Variants in GALNTL6 observed in about 807,000 individuals in gnomAD.
GALNTL6 encodes the protein polypeptide N-acetylgalactosaminyltransferase like 6, also known as polypeptide N-acetylgalactosaminyltransferase-like 6.
Under a neutral mutation model 73.7 loss-of-function variants are expected in GALNTL6, and 46 were observed. The observed-to-expected ratio is 0.62, with a 90% CI of 0.49 to 0.80. GALNTL6 has a LOEUF of 0.80. Ranked by LOEUF, GALNTL6 falls within the 30% of genes least tolerant of loss-of-function variation. GALNTL6 has a pLI of 0.00. For missense variants in GALNTL6, 604 were observed against 755.0 expected, an observed-to-expected ratio of 0.80 and a Z score of 2.34; for synonymous variants, 259 against 263.7, an observed-to-expected ratio of 0.98 and a Z score of 0.17.
intron 5 of GALNTL6, among the ~76,000 whole-genome samples, chr4:172,515,553 G>A (rs1221149660): frequency 6.6e-6 from 1 of 152,232 alleles, no homozygotes; most frequent in Admixed American, 6.5e-5. Flanking sequence ...CAATTTAACA[G>A]GGAATGCCCT....
At chr4:172,433,530 G>A (rs1030749394) in intron 5 of GALNTL6, among the ~76,000 whole-genome samples, 1 of 152,036 alleles carries the variant, frequency 6.6e-6, no homozygotes, top group Non-Finnish European at 1.5e-5. Context: ...ATTCTTTGAA[G>A]AGCAGAAACA....
chr4:172,812,214 T>C (rs1392587634), intron 6 of GALNTL6, among the ~76,000 whole-genome samples: 1 of 152,218 alleles, frequency 6.6e-6, no homozygotes, highest in Non-Finnish European at 1.5e-5. Flanking sequence ...CTTATACTTT[T>C]TATCCCATGC....
At chr4:171,817,425 G>T (rs1373877553) in intron 2 of GALNTL6, among the ~76,000 whole-genome samples, 1 of 151,474 alleles carries the variant, frequency 6.6e-6, no homozygotes, top group Non-Finnish European at 1.5e-5. Context: ...TTTAGCAGAT[G>T]ATATCACTAA....
intron 8 of GALNTL6, among the ~76,000 whole-genome samples, chr4:172,894,669 T>C (rs1746224443): frequency 6.6e-6 from 1 of 152,198 alleles, no homozygotes; most frequent in African/African-American, 2.4e-5. Flanking sequence ...GGATGAAATG[T>C]TCTGTAAATG....
chr4:172,886,379 G>T (rs534015651), intron 8 of GALNTL6, among the ~76,000 whole-genome samples: 8 of 152,092 alleles, frequency 5.3e-5, no homozygotes, highest in African/African-American at 1.9e-4. Flanking sequence ...GGTCTCAGTT[G>T]TTGTGTCTCC....
At chr4:172,579,974 G>A (rs990739366) in intron 5 of GALNTL6, among the ~76,000 whole-genome samples, 2 of 151,990 alleles carry the variant, frequency 1.3e-5, no homozygotes, top group African/African-American at 2.4e-5. Context: ...ACTCAAATTC[G>A]TAGACATATA....
At chr4:172,095,388 A>C (rs1240609553) in intron 2 of GALNTL6, among the ~76,000 whole-genome samples, 1 of 152,158 alleles carries the variant, frequency 6.6e-6, no homozygotes, top group Non-Finnish European at 1.5e-5. Context: ...GAAGGGATGC[A>C]ATAGACTGGG....
intron 2 of GALNTL6, among the ~76,000 whole-genome samples, chr4:171,991,253 G>T (rs753119732): frequency 6.6e-6 from 1 of 152,232 alleles, no homozygotes; most frequent in African/African-American, 2.4e-5. Context: ...TTTACAGAAA[G>T]ACCTAAATTA....
chr4:172,240,297 C>T (rs1579290533), intron 3 of GALNTL6, among the ~76,000 whole-genome samples: 1 of 152,114 alleles, frequency 6.6e-6, no homozygotes, highest in Non-Finnish European at 1.5e-5. Context: ...GATCTCGGCT[C>T]ACTGCAAGCT....
chr4:171,873,955 T>C (rs1736204857), intron 2 of GALNTL6, among the ~76,000 whole-genome samples: 1 of 152,146 alleles, frequency 6.6e-6, no homozygotes, highest in Admixed American at 6.5e-5. Context: ...TAACATATGA[T>C]CAGGAAGTCA....
chr4:172,643,217 C>T (rs1740071313), intron 5 of GALNTL6, among the ~76,000 whole-genome samples: 2 of 151,710 alleles, frequency 1.3e-5, no homozygotes, highest in Admixed American at 6.6e-5. Context: ...GACAACTGTA[C>T]GTCAAAGGCA....
chr4:172,035,964 C>A (rs988511475), intron 2 of GALNTL6, among the ~76,000 whole-genome samples: 6 of 151,942 alleles, frequency 3.9e-5, no homozygotes, highest in African/African-American at 9.7e-5. Flanking sequence ...GCTATAAAAT[C>A]TTTTATGTAA....
chr4:172,122,610 C>A (rs1391003841), intron 2 of GALNTL6, among the ~76,000 whole-genome samples: 1 of 152,100 alleles, frequency 6.6e-6, no homozygotes, highest in African/African-American at 2.4e-5. Flanking sequence ...TATTCCTAGG[C>A]AAGTTATTAG....
chr4:172,871,909 G>T (rs936517541), intron 7 of GALNTL6, among the ~76,000 whole-genome samples: 2 of 151,892 alleles, frequency 1.3e-5, no homozygotes, highest in Admixed American at 1.3e-4. Context: ...TCAGCCTCCC[G>T]ATTAGCTCCG....
intron 2 of GALNTL6, among the ~76,000 whole-genome samples, chr4:172,056,827 T>G (rs1731032276): frequency 6.6e-6 from 1 of 152,038 alleles, no homozygotes; most frequent in Non-Finnish European, 1.5e-5. Flanking sequence ...TGCAAAAAAA[T>G]TATAGACTAT....
chr4:172,891,512 G>A (rs1746028545), intron 8 of GALNTL6, among the ~76,000 whole-genome samples: 1 of 152,180 alleles, frequency 6.6e-6, no homozygotes, highest in African/African-American at 2.4e-5. Context: ...TCTGCTGTTA[G>A]CCTGATGGGG....
intron 5 of GALNTL6, among the ~76,000 whole-genome samples, chr4:172,391,243 AG>A (rs1743655629): frequency 6.6e-6 from 1 of 152,192 alleles, no homozygotes; most frequent in African/African-American, 2.4e-5. Flanking sequence ...AGTTCCTTGA[AG>A]AGTGTCTTTG....
chr4:172,133,596 C>A (rs1579170481), intron 2 of GALNTL6, among the ~76,000 whole-genome samples: 1 of 152,332 alleles, frequency 6.6e-6, no homozygotes, highest in East Asian at 1.9e-4. Context: ...GCAAAAGCAT[C>A]TCCTGTGCTG....
chr4:171,994,482 G>T (rs1044157745), intron 2 of GALNTL6, among the ~76,000 whole-genome samples: 1 of 152,020 alleles, frequency 6.6e-6, no homozygotes, highest in Admixed American at 6.6e-5. Flanking sequence ...AACACTTATT[G>T]CTTAGAAGGG....
Sources: allele counts gnomAD v4.1 joint callset (sites outside exome capture counted in the v4.1 genomes callset), GRCh38; gene constraint gnomAD v4.1.1; transcripts MANE v1.5; gene names NCBI Gene and HGNC (gene_info 2026-07-23, HGNC 2026-07-21).